The following GALNTL6 variants were observed in gnomAD, a reference collection of about 807,000 sequenced individuals.
The protein encoded by GALNTL6 is polypeptide N-acetylgalactosaminyltransferase like 6, also known as polypeptide N-acetylgalactosaminyltransferase-like 6.
A neutral mutation model predicts 73.7 loss-of-function variants in GALNTL6; 46 were observed. That is an observed-to-expected ratio of 0.62 (90% confidence interval 0.49 to 0.80). GALNTL6 has a LOEUF of 0.80. Among genes scored for constraint, GALNTL6 ranks in the 30% least tolerant of loss-of-function variants. The pLI, the probability that GALNTL6 is intolerant of heterozygous loss-of-function variation, is 0.00. For synonymous variants in GALNTL6, 259 were observed against 263.7 expected, an observed-to-expected ratio of 0.98 and a Z score of 0.17; for missense variants, 604 against 755.0, an observed-to-expected ratio of 0.80 and a Z score of 2.34.
chr4:172,994,938 G>T (rs1417413894), intron 10 of GALNTL6, among the ~76,000 whole-genome samples: 3 of 152,140 alleles, frequency 2.0e-5, no homozygotes, highest in Non-Finnish European at 4.4e-5. Context: ...TTTTCAACCT[G>T]CTCACATTTC....
chr4:172,852,264 C>A (rs1201402043), intron 7 of GALNTL6, among the ~76,000 whole-genome samples: 1 of 152,116 alleles, frequency 6.6e-6, no homozygotes, highest in Admixed American at 6.6e-5. Context: ...ATTTGAGGGG[C>A]CTACATTTGA....
intron 3 of GALNTL6, among the ~76,000 whole-genome samples, chr4:172,241,121 G>T (rs1737421412): frequency 6.6e-6 from 1 of 152,128 alleles, no homozygotes; most frequent in Non-Finnish European, 1.5e-5. Flanking sequence ...AAATATTTTT[G>T]CTATTGAAGT....
intron 5 of GALNTL6, among the ~76,000 whole-genome samples, chr4:172,632,345 T>C (rs974092965): frequency 6.6e-6 from 1 of 152,190 alleles, no homozygotes; most frequent in Non-Finnish European, 1.5e-5. Flanking sequence ...AGAGACTTTT[T>C]GAATGGCTTT....
chr4:172,349,652 T>G (rs1347932612), intron 5 of GALNTL6, among the ~76,000 whole-genome samples: 1 of 152,032 alleles, frequency 6.6e-6, no homozygotes, highest in East Asian at 1.9e-4. Context: ...CTTTATACAC[T>G]TCTTTTAAAT....
At chr4:172,854,658 A>C (rs998453308) in intron 7 of GALNTL6, among the ~76,000 whole-genome samples, 1 of 152,018 alleles carries the variant, frequency 6.6e-6, no homozygotes, top group Non-Finnish European at 1.5e-5. Context: ...TGTAAAAAAA[A>C]CCCTCTCCAT....
At chr4:172,479,361 A>G (rs912547624) in intron 5 of GALNTL6, among the ~76,000 whole-genome samples, 4 of 152,220 alleles carry the variant, frequency 2.6e-5, no homozygotes, top group Non-Finnish European at 5.9e-5. Flanking sequence ...ATATGCACAC[A>G]TACACCATGG....
chr4:172,928,807 T>C (rs1748186119), intron 8 of GALNTL6, among the ~76,000 whole-genome samples: 1 of 152,212 alleles, frequency 6.6e-6, no homozygotes, highest in Non-Finnish European at 1.5e-5. Flanking sequence ...TTCACATCAC[T>C]TTTCAACTTT....
intron 2 of GALNTL6, among the ~76,000 whole-genome samples, chr4:172,161,388 T>A (rs1006184483): frequency 2.0e-5 from 3 of 152,026 alleles, no homozygotes; most frequent in Non-Finnish European, 4.4e-5. Context: ...AAAATTAGAA[T>A]ATATTTTGGA....
intron 5 of GALNTL6, among the ~76,000 whole-genome samples, chr4:172,362,948 C>A (rs1742422060): frequency 6.6e-6 from 1 of 152,144 alleles, no homozygotes; most frequent in South Asian, 2.1e-4. Flanking sequence ...CCTGAAAGGT[C>A]CTTGTGGCTT....
chr4:172,929,633 C>G (rs1351156167), intron 8 of GALNTL6, among the ~76,000 whole-genome samples: 1 of 152,082 alleles, frequency 6.6e-6, no homozygotes, highest in Non-Finnish European at 1.5e-5. Context: ...CCATCGACAT[C>G]ATGGAAGGTA....
chr4:172,562,031 T>C (rs936313311), intron 5 of GALNTL6, among the ~76,000 whole-genome samples: 1 of 152,194 alleles, frequency 6.6e-6, no homozygotes, highest in African/African-American at 2.4e-5. Flanking sequence ...AAAATCACCA[T>C]TTATGAACCT....
intron 5 of GALNTL6, among the ~76,000 whole-genome samples, chr4:172,372,908 T>G (rs893838825): frequency 6.6e-6 from 1 of 152,198 alleles, no homozygotes; most frequent in African/African-American, 2.4e-5. Flanking sequence ...ATTCATTCCT[T>G]GCTGAGGGCC....
At chr4:171,947,156 T>G (rs1332841159) in intron 2 of GALNTL6, among the ~76,000 whole-genome samples, 1 of 152,114 alleles carries the variant, frequency 6.6e-6, no homozygotes, top group Non-Finnish European at 1.5e-5. Context: ...TTATCTCTCT[T>G]TCCGCATGTA....
At chr4:172,937,511 C>T (rs1023292683) in intron 9 of GALNTL6, among the ~76,000 whole-genome samples, 1 of 152,090 alleles carries the variant, frequency 6.6e-6, no homozygotes, top group Non-Finnish European at 1.5e-5. Flanking sequence ...TGGGGAGATA[C>T]CCACAGATTT....
At chr4:172,195,109 C>G (rs55877014) in intron 2 of GALNTL6, among the ~76,000 whole-genome samples, 1 of 151,836 alleles carries the variant, frequency 6.6e-6, no homozygotes, top group African/African-American at 2.4e-5. Flanking sequence ...GAAAATTTAC[C>G]AAGCAAATGG....
chr4:172,850,739 G>A (rs1017283017), intron 7 of GALNTL6, among the ~76,000 whole-genome samples: 1 of 152,134 alleles, frequency 6.6e-6, no homozygotes, highest in Admixed American at 6.6e-5. Context: ...AATAAGTTGA[G>A]AATTCCCATG....
chr4:171,995,585 CTT>C (rs1320795320), intron 2 of GALNTL6, among the ~76,000 whole-genome samples: 1 of 151,934 alleles, frequency 6.6e-6, no homozygotes. Flanking sequence ...TATGTGCAGT[CTT>C]TCCCACTTTT....
chr4:171,925,592 T>C (rs1278066677), intron 2 of GALNTL6, among the ~76,000 whole-genome samples: 3 of 152,228 alleles, frequency 2.0e-5, no homozygotes, highest in Non-Finnish European at 4.4e-5. Context: ...TAATTTTTAT[T>C]TTGATATATT....
chr4:172,380,069 C>A lies in GALNTL6; in HGVS notation c.553+31380C>A, dbSNP rs1171237639. 3.1e-6 allele frequency: 3 copies of A among 963,764 alleles called. No homozygotes were observed. The African/African-American group carries it at 4.8e-5, about 15-fold the overall frequency. The allele number at this position is 963,764 out of a possible 1,614,324, so 59.7% of individuals were successfully genotyped here. ...GCATATAGCCTAGTCCCTGCTCTAG[C>A]TGTTTATATGGCTTGGGCTTCGTTG... On this transcript the variant is annotated intron_variant, in intron 5 of 12. Transcript: ENST00000506823.
Sources: gnomAD v4.1 joint callset for allele counts (sites outside exome capture counted in the v4.1 genomes callset) on GRCh38, gnomAD v4.1.1 for gene constraint, MANE v1.5 for transcripts, NCBI Gene and HGNC (gene_info 2026-07-23, HGNC 2026-07-21) for gene names.